The following HECTD4 variants were observed in gnomAD, a reference collection of about 807,000 sequenced individuals.
HECTD4 encodes probable E3 ubiquitin-protein ligase HECTD4.
Under a neutral mutation model 471.5 loss-of-function variants are expected in HECTD4, and 114 were observed. That is an observed-to-expected ratio of 0.24 (90% confidence interval 0.21 to 0.28). HECTD4 has a LOEUF of 0.28. HECTD4 is among the 10% of genes least tolerant of loss of function. The pLI, the probability that HECTD4 is intolerant of heterozygous loss-of-function variation, is 1.00. For synonymous variants in HECTD4, 2,012 were observed against 2,256.0 expected (o/e 0.89, Z 3.07); for missense variants, 3,866 against 5,651.5 (o/e 0.68, Z 10.13).
At chr12:112,167,229 G>A (rs146012490) in intron 72 of HECTD4, 88 bp downstream of exon 72, 16 of 1,173,982 alleles carry the variant, frequency 1.4e-5, no homozygotes, top group Admixed American at 6.8e-5. Context: ...CAGCCTCAGC[G>A]GGGAGCTCGG....
rs754546108 is a variant in HECTD4 at position 112,248,313 on chromosome 12, C to T, written c.4143+7G>A. The T allele has an allele frequency of 1.9e-5, 30 of 1,572,200 alleles. No individual in the cohort carries two copies. The highest frequency in any genetic ancestry group is 2.5e-5 in the Non-Finnish European group (29 of 1,157,066). On this transcript the variant is annotated splice_region_variant and intron_variant, in intron 26 of 75. Coordinates refer to ENST00000682272, the MANE Select transcript of HECTD4 (RefSeq NM_001388303.1). Reference sequence around the variant, plus strand: ...GAAATTGTTTCCAACAGTTATCAGACATTTACCTGCAGCTGTCTCTCCATG... The same window carrying T: ...GAAATTGTTTCCAACAGTTATCAGATATTTACCTGCAGCTGTCTCTCCATG...
chr12:112,239,764 T>C lies in HECTD4; in HGVS notation c.5105+117A>G. 4 of 913,996 alleles carry C rather than the reference T, an allele frequency of 4.4e-6. No individual in the cohort carries two copies. The highest frequency in any genetic ancestry group is 6.2e-6 in the Non-Finnish European group (4 of 640,010). 56.6% of individuals were successfully genotyped at this position (913,996 alleles called of 1,614,324 possible). A position where few individuals can be genotyped will look rare whatever the true frequency, so the allele number is the denominator to read the frequency against. ...TGTCTTTCAGGAGAAAAGTTTTGTATAGCTAGCTCTGGATAATGAAAGCAA... is the reference window on the plus strand; with the variant it reads ...TGTCTTTCAGGAGAAAAGTTTTGTACAGCTAGCTCTGGATAATGAAAGCAA... On this transcript the variant is annotated intron_variant, in intron 33 of 75. Coordinates refer to ENST00000682272, the MANE Select transcript of HECTD4 (RefSeq NM_001388303.1). This position sits in a 1 kb window ranked among gnomAD's most constrained non-coding sequence, Gnocchi z 4.9.
At chr12:112,307,905 G>C (rs932640482) in intron 6 of HECTD4, among the ~76,000 whole-genome samples, 5 of 152,246 alleles carry the variant, frequency 3.3e-5, no homozygotes, top group Non-Finnish European at 5.9e-5. Context: ...ACTATTGGCT[G>C]TATGGCCTTA....
Position 112,183,173 on chromosome 12 carries a change from A to T in HECTD4, c.10873T>A (p.Leu3625Met). 6.2e-7 allele frequency: 1 copy of T among 1,613,752 alleles called. No homozygotes were observed. The highest frequency in any genetic ancestry group is 8.5e-7 in the Non-Finnish European group (1 of 1,179,674). Residue 3625 changes from leucine to methionine, a missense_variant, in exon 62 of 76, where the codon TTG becomes ATG. Leu to Met is a conservative substitution (Grantham distance 15). This residue lies in a region of HECTD4 where 715 missense variants were observed against 1,087.6 expected (regional missense o/e 0.66). Transcript: ENST00000682272. Reference sequence around the variant, plus strand: ...ATCTCTTCTGTTGACATTTCCATCAATTCATCTTCACCATCCAAACTTGAC... The same window carrying T: ...ATCTCTTCTGTTGACATTTCCATCATTTCATCTTCACCATCCAAACTTGAC... ...GLSSLDGEDE[L>M]MEMSTEEILT...
intron 43 of HECTD4, among the ~76,000 whole-genome samples, chr12:112,227,125 G>A (rs914673639): frequency 1.2e-4 from 18 of 152,112 alleles, no homozygotes; most frequent in Non-Finnish European, 2.1e-4. Flanking sequence ...TATGGCGATC[G>A]CTCTCACCTG....
intron 49 of HECTD4, among the ~76,000 whole-genome samples, chr12:112,211,958 G>A (rs1431804503): frequency 6.6e-6 from 1 of 152,180 alleles, no homozygotes; most frequent in African/African-American, 2.4e-5. Flanking sequence ...AAAGGTCTGG[G>A]ATAGAGATAT....
rs1452777148 is a variant in HECTD4, at chr12:112,193,133, A to G, written c.9014T>C (p.Met3005Thr). 6 of 1,613,982 alleles carry G rather than the reference A, an allele frequency of 3.7e-6. No homozygotes were observed. The highest frequency in any genetic ancestry group is 2.2e-5 in the East Asian group (1 of 44,886). Residue 3005 changes from methionine (M) to threonine (T), a missense_variant, in exon 58 of 76, where the codon ATG (methionine) becomes ACG (threonine). Coordinates refer to ENST00000682272, the MANE Select transcript of HECTD4 (RefSeq NM_001388303.1). This position sits in a 1 kb window ranked among gnomAD's most constrained non-coding sequence, Gnocchi z 5.2. ...AGCTGCCCCGGGGAAATTCACGTCC[A>G]TGTTGACTTTGGATTCGGAAATTGG... is the stretch of plus-strand genomic sequence containing the variant. ...EFPISESKVN[M>T]DVNFPGAAFV... is the part of the protein sequence containing the mutation.
intron 26 of HECTD4, 24 bp from the exon 27 acceptor site, chr12:112,248,195 G>T (rs1427508296): frequency 2.3e-5 from 37 of 1,583,364 alleles, no homozygotes; most frequent in Non-Finnish European, 3.1e-5. Context: ...TAAAATAGAT[G>T]CAAAATAAAA....
At chr12:112,307,958 C>T (rs1172547877) in intron 6 of HECTD4, among the ~76,000 whole-genome samples, 1 of 152,222 alleles carries the variant, frequency 6.6e-6, no homozygotes, top group Non-Finnish European at 1.5e-5. Flanking sequence ...TTACACTCAA[C>T]AATAAACACT....
chr12:112,167,630 G>T, intron 71 of HECTD4, 92 bp from the exon 72 acceptor site: 1 of 1,158,074 alleles, frequency 8.6e-7, no homozygotes, highest in Non-Finnish European at 1.2e-6. Flanking sequence ...CCTGTGGCAG[G>T]CAGGAGAGAA....
chr12:112,207,705 G>C (rs1319719749), intron 52 of HECTD4, among the ~76,000 whole-genome samples, 169 bp downstream of exon 52: 1 of 152,126 alleles, frequency 6.6e-6, no homozygotes, highest in Non-Finnish European at 1.5e-5. Flanking sequence ...GCAAATCAAA[G>C]TCCAGCAATG....
rs1014974607 is a variant in HECTD4, at chr12:112,173,113, G to A, written c.11595-252C>T. Among the ~76,000 whole-genome samples the A allele has an allele frequency of 1.3e-5, 2 of 152,198 alleles. No individual in the cohort carries two copies. Among genetic ancestry groups the A allele is most frequent in the Non-Finnish European group, 2.9e-5 (2 of 68,046 alleles). ...GAGGTGGCACCATGCACCCACCCAT[G>A]CCTCACTCCTGTGTGTCGGCAGCAG... On this transcript the variant is annotated intron_variant, in intron 66 of 75. Transcript: ENST00000682272. This position sits in a 1 kb window ranked among gnomAD's most constrained non-coding sequence, Gnocchi z 4.3.
intron 17 of HECTD4, 134 bp from the exon 18 acceptor site, chr12:112,261,563 G>T (rs551429108): frequency 2.2e-6 from 2 of 892,750 alleles, no homozygotes; most frequent in African/African-American, 1.7e-5. Context: ...GCCCAAAGCA[G>T]TAAATTCTGC....
chr12:112,175,538 G>A (rs2031408377), intron 66 of HECTD4, among the ~76,000 whole-genome samples, 198 bp downstream of exon 66: 3 of 152,340 alleles, frequency 2.0e-5, no homozygotes, highest in South Asian at 4.1e-4. Flanking sequence ...CAAGTCAGGA[G>A]TGTGGAGAAA....
At chr12:112,210,616 C>A (rs959832150) in intron 49 of HECTD4, among the ~76,000 whole-genome samples, 1 of 152,216 alleles carries the variant, frequency 6.6e-6, no homozygotes, top group African/African-American at 2.4e-5. Flanking sequence ...CTAGTTAAGA[C>A]CAGCTAATAT....
Position 112,273,434 on chromosome 12 carries a change from G to A in HECTD4, c.1942+221C>T, listed in dbSNP as rs898328229. Among the ~76,000 whole-genome samples, 10 of 152,134 alleles carry A rather than the reference G, an allele frequency of 6.6e-5. No individual in the cohort carries two copies. The East Asian group carries it at 1.9e-3, about 29-fold the overall frequency. ...ACAATTTTCCTTTAAAAAAGTCTAT[G>A]GACCACCTCAAAAGCTCTATTTATT... On this transcript the variant is annotated intron_variant, in intron 11 of 75. Transcript: ENST00000682272.
intron 62 of HECTD4, among the ~76,000 whole-genome samples, chr12:112,180,544 A>C (rs76278316): frequency 1.3e-5 from 2 of 151,432 alleles, no homozygotes; most frequent in Non-Finnish European, 2.9e-5. Context: ...AAAAAAAAAA[A>C]CAACAACAAC....
At chr12:112,242,408 T>C (rs2135579021) in intron 32 of HECTD4, among the ~76,000 whole-genome samples, 1 of 149,614 alleles carries the variant, frequency 6.7e-6, no homozygotes, top group African/African-American at 2.5e-5. Flanking sequence ...AGCCCAGAAA[T>C]TTGAGACCAG....
chr12:112,165,119 C>G (rs1433737250), intron 72 of HECTD4, among the ~76,000 whole-genome samples: 3 of 150,770 alleles, frequency 2.0e-5, no homozygotes, highest in Admixed American at 1.3e-4. Flanking sequence ...CGGGGTTTCA[C>G]CACCTTGGCC....
Sources: allele counts gnomAD v4.1 joint callset (sites outside exome capture counted in the v4.1 genomes callset), GRCh38; gene constraint gnomAD v4.1.1; regional missense constraint gnomAD v4.1.1; non-coding constraint Gnocchi (gnomAD v3.1); transcripts MANE v1.5; gene names NCBI Gene and HGNC (gene_info 2026-07-23, HGNC 2026-07-21).